The following VKORC1L1 variants were observed in gnomAD, a reference collection of about 807,000 sequenced individuals.
VKORC1L1 encodes vitamin K epoxide reductase complex subunit 1-like protein 1.
In VKORC1L1, 2 loss-of-function variants were observed where a neutral mutation model predicts 18.9. The observed-to-expected ratio is 0.11, with a 90% CI of 0.04 to 0.33. The LOEUF (loss-of-function observed/expected upper bound fraction) is 0.33, where lower values mean the gene tolerates loss of function less well. Among genes scored for constraint, VKORC1L1 ranks in the 10% least tolerant of loss-of-function variants. The probability of loss-of-function intolerance (pLI) is 1.00; values close to 1 mark genes in which losing one functional copy is unlikely to be tolerated. For synonymous variants in VKORC1L1, 96 were observed against 100.0 expected, an observed-to-expected ratio of 0.96 and a Z score of 0.24; for missense variants, 123 against 224.1, an observed-to-expected ratio of 0.55 and a Z score of 2.88.
chr7:65,941,276 T>C (rs1790028333), intron 1 of VKORC1L1, among the ~76,000 whole-genome samples: 2 of 151,980 alleles, frequency 1.3e-5, no homozygotes, highest in South Asian at 4.2e-4. Flanking sequence ...CAGCAATTTT[T>C]TTTCTTTCTT....
chr7:65,934,860 C>T lies in VKORC1L1; in HGVS notation c.195-13811C>T, dbSNP rs751569695. Among the ~76,000 whole-genome samples, 80 of 152,012 alleles carry T rather than the reference C, an allele frequency of 5.3e-4. 1 individual carries two copies. Among genetic ancestry groups the T allele is most frequent in the Admixed American group, 2.6e-4 (4 of 15,266 alleles). On this transcript the variant is annotated intron_variant, in intron 1 of 2. Transcript: ENST00000360768. The stretch of plus-strand genomic sequence containing the variant: ...ACGAGGTCAGGAGTTCGAGACCAGC[C>T]TTGCCAACATAGTGAAACCCCGTCT...
In VKORC1L1 at chr7:65,933,827, T is replaced by C. The variant is rs1029339271; in HGVS notation, c.195-14844T>C. Among the ~76,000 whole-genome samples the C allele has an allele frequency of 3.9e-5, 6 of 152,360 alleles. No homozygotes were observed. The South Asian group carries it at 1.2e-3, about 32-fold the overall frequency. Reference sequence around the variant, plus strand: ...TTATTTTTATCTCTGTGAATTCTTATGTGGTAGCTCTAGAGATTACAGTAT... The same window carrying C: ...TTATTTTTATCTCTGTGAATTCTTACGTGGTAGCTCTAGAGATTACAGTAT... On this transcript the variant is annotated intron_variant, in intron 1 of 2. Coordinates refer to ENST00000360768, the MANE Select transcript of VKORC1L1 (RefSeq NM_173517.6).
In VKORC1L1 at chr7:65,906,978, G is replaced by T. The variant is rs149478387; in HGVS notation, c.194+33413G>T. On this transcript the variant is annotated intron_variant, in intron 1 of 2. Transcript: ENST00000360768. ...AGTAGTATTTACAGCCCCTATACAA[G>T]GGTGGAAAGTGAAACTAGTGTATTT... 2.5e-4 allele frequency among the ~76,000 whole-genome samples: 38 copies of T among 152,252 alleles called. No individual in the cohort carries two copies. The East Asian group carries it at 5.4e-3, about 22-fold the overall frequency.
intron 1 of VKORC1L1, among the ~76,000 whole-genome samples, chr7:65,920,275 A>G (rs2115616356): frequency 6.6e-6 from 1 of 152,208 alleles, no homozygotes; most frequent in East Asian, 1.9e-4. Context: ...ATGAGAGGGT[A>G]GACACCATGA....
At chr7:65,899,925 A>G (rs573446933) in intron 1 of VKORC1L1, among the ~76,000 whole-genome samples, 7 of 149,484 alleles carry the variant, frequency 4.7e-5, no homozygotes, top group South Asian at 2.1e-4. Flanking sequence ...GCTTGAACTC[A>G]GGCGGCAGAG....
At chr7:65,869,293 G>C (rs1788696397), upstream of VKORC1L1, among the ~76,000 whole-genome samples, 1 of 151,838 alleles carries the variant, frequency 6.6e-6, no homozygotes, top group South Asian at 2.1e-4. Context: ...CAGCCTGCGT[G>C]ACAGAGCTAA....
intron 1 of VKORC1L1, among the ~76,000 whole-genome samples, chr7:65,891,548 C>T (rs1318351150): frequency 6.6e-6 from 1 of 151,970 alleles, no homozygotes; most frequent in Non-Finnish European, 1.5e-5. Flanking sequence ...TGTATTGATC[C>T]CCTCCCCTCC....
intron 1 of VKORC1L1, among the ~76,000 whole-genome samples, chr7:65,941,723 C>A (rs1168239266): frequency 8.3e-6 from 1 of 119,918 alleles, no homozygotes; most frequent in African/African-American, 3.2e-5. Flanking sequence ...ATCATCCAGG[C>A]TGGGGTGCAG....
At chr7:65,919,828 C>T (rs544074887) in intron 1 of VKORC1L1, among the ~76,000 whole-genome samples, 27 of 152,062 alleles carry the variant, frequency 1.8e-4, no homozygotes, top group Non-Finnish European at 3.5e-4. Context: ...GAAGTAGAGG[C>T]GGGCAGATCA....
intron 1 of VKORC1L1, among the ~76,000 whole-genome samples, chr7:65,885,240 GTTGT>G (rs1328440437): frequency 2.0e-5 from 3 of 152,018 alleles, no homozygotes; most frequent in African/African-American, 7.2e-5. Context: ...CCCTTTCTGG[GTTGT>G]TTATCTTTTC....
chr7:65,879,040 C>A (rs142092478), intron 1 of VKORC1L1, among the ~76,000 whole-genome samples: 2 of 151,806 alleles, frequency 1.3e-5, no homozygotes, highest in East Asian at 3.9e-4. Context: ...CTCAGTAGAC[C>A]GCTGTGAAAC....
intron 1 of VKORC1L1, among the ~76,000 whole-genome samples, chr7:65,909,622 A>G (rs1418164444): frequency 6.7e-6 from 1 of 150,066 alleles, no homozygotes; most frequent in Non-Finnish European, 1.5e-5. Flanking sequence ...GTTCTGTTTC[A>G]TTTATAAGGT....
At chr7:65,936,359 G>A (rs2115684842) in intron 1 of VKORC1L1, among the ~76,000 whole-genome samples, 1 of 152,196 alleles carries the variant, frequency 6.6e-6, no homozygotes, top group South Asian at 2.1e-4. Context: ...TATAATCTTG[G>A]AGTGCATCGT....
At chr7:65,889,737 A>ACTTTT (rs1789079710) in intron 1 of VKORC1L1, among the ~76,000 whole-genome samples, 6 of 152,196 alleles carry the variant, frequency 3.9e-5, no homozygotes, top group Middle Eastern at 3.4e-3. Flanking sequence ...TCATTTTCTT[A>ACTTTT]CTTTTCTAAG....
chr7:65,891,196 T>C (rs1789106017), intron 1 of VKORC1L1, among the ~76,000 whole-genome samples: 1 of 151,960 alleles, frequency 6.6e-6, no homozygotes, highest in Admixed American at 6.6e-5. Context: ...TATTACCCTT[T>C]GTTTATTCAT....
chr7:65,873,937 C>A lies in VKORC1L1; in HGVS notation c.194+372C>A, dbSNP rs532701142. Among the ~76,000 whole-genome samples the A allele has an allele frequency of 8.6e-5, 13 of 151,940 alleles. No homozygotes were observed. The East Asian group carries it at 2.5e-3, about 30-fold the overall frequency. On this transcript the variant is annotated intron_variant, in intron 1 of 2. Transcript: ENST00000360768. The stretch of plus-strand genomic sequence containing the variant: ...CTGGCTTGACAGGTTTCCTGGTTCT[C>A]GGGAGGCGGGCCGGGGGTGTGGGAC...
chr7:65,867,317 G>C, the VKORC1L1 span, among the ~76,000 whole-genome samples: 1 of 152,194 alleles, frequency 6.6e-6, no homozygotes, highest in Non-Finnish European at 1.5e-5. Flanking sequence ...GGAAAATATT[G>C]ATTAAGGCAG....
intron 1 of VKORC1L1, among the ~76,000 whole-genome samples, chr7:65,914,706 T>A (rs1789557677): frequency 6.6e-6 from 1 of 152,150 alleles, no homozygotes; most frequent in African/African-American, 2.4e-5. Flanking sequence ...TGCATCTACT[T>A]ACTCTCCCTC....
At chr7:65,921,561 A>G (rs1789675636) in intron 1 of VKORC1L1, among the ~76,000 whole-genome samples, 1 of 152,096 alleles carries the variant, frequency 6.6e-6, no homozygotes, top group Admixed American at 6.5e-5. Context: ...AATTAAAAAA[A>G]TTTTTGGCCG....
Sources: allele counts gnomAD v4.1 joint callset (sites outside exome capture counted in the v4.1 genomes callset), GRCh38; gene constraint gnomAD v4.1.1; transcripts MANE v1.5; gene names NCBI Gene and HGNC (gene_info 2026-07-23, HGNC 2026-07-21).